Variants in TTC7A observed in about 807,000 individuals in gnomAD.
TTC7A encodes the protein tetratricopeptide repeat domain 7A, also known as tetratricopeptide repeat protein 7A.
Under a neutral mutation model 103.7 loss-of-function variants are expected in TTC7A, and 110 were observed. That is an observed-to-expected ratio of 1.06 (90% CI 0.91 to 1.24). The LOEUF (loss-of-function observed/expected upper bound fraction) is 1.24. TTC7A is among the 50% of genes most tolerant of loss of function. TTC7A has a pLI of 0.00. For missense variants in TTC7A, 1,340 were observed against 1,116.3 expected (o/e 1.20, Z -2.86); for synonymous variants, 521 against 467.9 (o/e 1.11, Z -1.47).
intron 5 of TTC7A, among the ~76,000 whole-genome samples, chr2:46,984,803 T>A (rs1674841568): frequency 6.6e-6 from 1 of 152,202 alleles, no homozygotes; most frequent in Non-Finnish European, 1.5e-5. Flanking sequence ...GCTTACCCAC[T>A]GTGATTCCAG....
intron 18 of TTC7A, among the ~76,000 whole-genome samples, chr2:47,052,903 A>G (rs1262659795): frequency 1.3e-5 from 2 of 152,090 alleles, no homozygotes; most frequent in African/African-American, 2.4e-5. Flanking sequence ...GGAGTTGGAG[A>G]AGAAACCGAA....
chr2:47,064,982 A>G (rs1176241054), intron 19 of TTC7A, among the ~76,000 whole-genome samples: 1 of 152,256 alleles, frequency 6.6e-6, no homozygotes, highest in East Asian at 1.9e-4. Flanking sequence ...GGAAAACGAG[A>G]AAAGCTTAAA....
At chr2:46,930,284 TAA>T (rs781601021) in intron 2 of TTC7A, among the ~76,000 whole-genome samples, 1 of 151,070 alleles carries the variant, frequency 6.6e-6, no homozygotes, top group Non-Finnish European at 1.5e-5. Context: ...AGAAAAATTT[TAA>T]AAAGAGATAA....
intron 3 of TTC7A, among the ~76,000 whole-genome samples, chr2:46,960,524 C>G (rs1325362277): frequency 6.6e-6 from 1 of 152,168 alleles, no homozygotes; most frequent in Admixed American, 6.5e-5. Flanking sequence ...ACATGTGCAC[C>G]ACCCAGGAGC....
At chr2:47,067,436 T>A (rs1684270912) in intron 19 of TTC7A, among the ~76,000 whole-genome samples, 1 of 152,224 alleles carries the variant, frequency 6.6e-6, no homozygotes, top group Non-Finnish European at 1.5e-5. Context: ...GATGAGGGTC[T>A]TTGGCCCACA....
chr2:47,023,325 TGTGTGCTTTGAGGATG>T lies in TTC7A; in HGVS notation c.1511-79_1511-64del, dbSNP rs1679497111. 7.6e-6 allele frequency: 11 copies of T among 1,445,250 alleles called. No homozygotes were observed. In the Admixed American group the frequency reaches 1.9e-4, roughly 25 times the overall value. 89.5% of individuals were successfully genotyped at this position (1,445,250 alleles called of 1,614,324 possible). A position where few individuals can be genotyped will look rare whatever the true frequency, so the allele number is the denominator to read the frequency against. On this transcript the variant is annotated intron_variant, in intron 12 of 19. Transcript: ENST00000319190. ...CTGGTGGGGCCTTTATCTGCAGAGC[TGTGTGCTTTGAGGATG>T]GTGCAGGGCTGGGCCGGCACCCTTC...
intron 5 of TTC7A, among the ~76,000 whole-genome samples, chr2:46,986,411 CG>C (rs1333147241): frequency 6.6e-6 from 1 of 152,118 alleles, no homozygotes; most frequent in Admixed American, 6.5e-5. Flanking sequence ...GCCCTCACTG[CG>C]GGGTTCGAGC....
At chr2:47,013,025 A>G (rs1486195866) in intron 11 of TTC7A, among the ~76,000 whole-genome samples, 1 of 152,192 alleles carries the variant, frequency 6.6e-6, no homozygotes, top group Non-Finnish European at 1.5e-5. Context: ...CCCACTGGGT[A>G]CCCTAGAGTA....
Position 47,017,428 on chromosome 2 carries a change from T to G in TTC7A, c.1393-4434T>G, listed in dbSNP as rs573765221. Among the ~76,000 whole-genome samples, 5 of 151,510 alleles carry G rather than the reference T, an allele frequency of 3.3e-5. 1 individual carries two copies. Among genetic ancestry groups the G allele is most frequent in the African/African-American group, 1.2e-4 (5 of 41,224 alleles). On this transcript the variant is annotated intron_variant, in intron 11 of 19. Coordinates refer to ENST00000319190, the MANE Select transcript of TTC7A (RefSeq NM_020458.4). ...GGTGCGTGCCTGTGGTCCCAACTAC[T>G]TGGGAGGCTGAGGTGGGAGGATCGC...
rs2104733178 is a variant in TTC7A, at chr2:47,051,867, C to T, written c.2139C>T (p.Ile713=). The T allele has an allele frequency of 6.2e-7, 1 of 1,610,270 alleles. No individual in the cohort carries two copies. The highest frequency in any genetic ancestry group is 1.3e-5 in the African/African-American group (1 of 74,978). Reference sequence around the variant, plus strand: ...AGCTGTGGACCACGCTGGAACAGATCTGGCTGCAGGCTGGTGAGTGCCCTG... The same window carrying T: ...AGCTGTGGACCACGCTGGAACAGATTTGGCTGCAGGCTGGTGAGTGCCCTG... ...PMQLWTTLEQ[I]WLQAAELFME... The change falls in exon 18 of 20, where the codon ATC becomes ATT. Residue 713 remains isoleucine (I), a synonymous_variant. Coordinates refer to ENST00000319190, the MANE Select transcript of TTC7A (RefSeq NM_020458.4).
At chr2:46,988,977 C>T (rs1404698349) in intron 5 of TTC7A, among the ~76,000 whole-genome samples, 1 of 152,214 alleles carries the variant, frequency 6.6e-6, no homozygotes, top group East Asian at 1.9e-4. Context: ...CTATGCACCA[C>T]ACATTGTGCT....
At position 47,073,728 on chromosome 2, in the gene TTC7A, C is replaced by T. The variant is rs1684974889; in HGVS notation, c.2382C>T (p.His794=). Residue 794 remains histidine, a synonymous_variant, in exon 20 of 20, where the codon CAC becomes CAT. Coordinates refer to ENST00000319190, the MANE Select transcript of TTC7A (RefSeq NM_020458.4). The part of the protein sequence containing the change: ...SLGLMLSRLG[H]KSLAQKVLRD... ...GTCTGATGCTGAGTCGGCTGGGCCACAAGAGCTTGGCCCAGAAGGTGCTTC... is the reference window on the plus strand; with the variant it reads ...GTCTGATGCTGAGTCGGCTGGGCCATAAGAGCTTGGCCCAGAAGGTGCTTC... 1 of 1,613,782 alleles carries T rather than the reference C, an allele frequency of 6.2e-7. No individual in the cohort carries two copies. The highest frequency in any genetic ancestry group is 8.5e-7 in the Non-Finnish European group (1 of 1,180,006).
chr2:46,916,164 A>G, exon 1 of TTC7A: 3 of 985,442 alleles, frequency 3.0e-6, no homozygotes, highest in Non-Finnish European at 3.6e-6. Flanking sequence ...CCCCTCCTAT[A>G]CAGGGCTCTT....
intron 5 of TTC7A, among the ~76,000 whole-genome samples, chr2:46,980,981 C>A (rs1674394273): frequency 6.6e-6 from 1 of 152,204 alleles, no homozygotes; most frequent in Non-Finnish European, 1.5e-5. Flanking sequence ...CAGGGCCCCT[C>A]TGGGTGCACC....
intron 5 of TTC7A, among the ~76,000 whole-genome samples, chr2:46,985,628 G>A (rs1475046602): frequency 6.6e-6 from 1 of 152,106 alleles, no homozygotes; most frequent in Non-Finnish European, 1.5e-5. Context: ...TAAGTAACTT[G>A]CCCAAAGTCA....
chr2:47,057,108 C>G (rs1308186274), intron 18 of TTC7A, among the ~76,000 whole-genome samples: 1 of 152,218 alleles, frequency 6.6e-6, no homozygotes, highest in Admixed American at 6.5e-5. Flanking sequence ...CCATGGCTAG[C>G]AAAGCGTCGA....
At chr2:46,940,190 A>C (rs1027228537), upstream of TTC7A, among the ~76,000 whole-genome samples, 1 of 152,082 alleles carries the variant, frequency 6.6e-6, no homozygotes. This position sits in a 1 kb window ranked among gnomAD's most constrained non-coding sequence, Gnocchi z 4.7. Flanking sequence ...CAGTTGTCCA[A>C]AAACACTTAG....
At chr2:47,004,814 C>T (rs1390566648) in intron 8 of TTC7A, among the ~76,000 whole-genome samples, 1 of 152,122 alleles carries the variant, frequency 6.6e-6, no homozygotes, top group Admixed American at 6.5e-5. Context: ...AGTCCCTGCC[C>T]TGTGGCTGCT....
chr2:46,937,719 C>T (rs1377768551), upstream of TTC7A, among the ~76,000 whole-genome samples: 1 of 152,134 alleles, frequency 6.6e-6, no homozygotes, highest in East Asian at 1.9e-4. This position sits in a 1 kb window ranked among gnomAD's most constrained non-coding sequence, Gnocchi z 4.0. Context: ...ATTATAGGCA[C>T]GAGCTGCCAT....
Sources: allele counts gnomAD v4.1 joint callset (sites outside exome capture counted in the v4.1 genomes callset), GRCh38; gene constraint gnomAD v4.1.1; non-coding constraint Gnocchi (gnomAD v3.1); transcripts MANE v1.5; gene names NCBI Gene and HGNC (gene_info 2026-07-23, HGNC 2026-07-21).